Variants in PCDHA5 observed in about 807,000 individuals in gnomAD.
PCDHA5 encodes the protein protocadherin alpha-5.
Under a neutral mutation model 61.6 loss-of-function variants are expected in PCDHA5, and 43 were observed. The observed-to-expected ratio is 0.70, with a 90% CI of 0.55 to 0.90. The LOEUF is 0.90. Among genes scored for constraint, PCDHA5 ranks in the 40% least tolerant of loss-of-function variants. The pLI, the probability that PCDHA5 is intolerant of heterozygous loss-of-function variation, is 0.00. For missense variants in PCDHA5, 1,298 were observed against 1,222.7 expected (o/e 1.06, Z -0.92); for synonymous variants, 627 against 543.9 (o/e 1.15, Z -2.13).
chr5:140,946,517 G>A (rs138420578), intron 1 of PCDHA5, among the ~76,000 whole-genome samples: 8 of 151,024 alleles, frequency 5.3e-5, no homozygotes, highest in Admixed American at 1.3e-4. Flanking sequence ...AGACCTATCC[G>A]CACTCCCATG....
At chr5:141,000,900 G>T (rs1020896392) in intron 3 of PCDHA5, among the ~76,000 whole-genome samples, 4 of 151,614 alleles carry the variant, frequency 2.6e-5, no homozygotes, top group African/African-American at 9.7e-5. Context: ...AGATATAGAC[G>T]CTGTCTCTAA....
At chr5:140,944,870 A>T (rs2093703572) in intron 1 of PCDHA5, among the ~76,000 whole-genome samples, 1 of 152,058 alleles carries the variant, frequency 6.6e-6, no homozygotes, top group Non-Finnish European at 1.5e-5. Flanking sequence ...TATCTTAACC[A>T]CCTACTCCAC....
In PCDHA5 at chr5:140,822,177, A is replaced by G. The variant is rs2150114373; in HGVS notation, c.402A>G (p.Arg134=). Reference sequence around the variant, plus strand: ...ATGACAATCCGCCCAGGTTCTCCAGACAAGAACAAAGATTATTCATTTTAG... The same window carrying G: ...ATGACAATCCGCCCAGGTTCTCCAGGCAAGAACAAAGATTATTCATTTTAG... ...DINDNPPRFS[R]QEQRLFILES... The change falls in exon 1 of 4, where the codon AGA becomes AGG. Residue 134 remains arginine (R), a synonymous_variant. Transcript: ENST00000529859. The G allele has an allele frequency of 6.2e-7, 1 of 1,614,280 alleles. No individual in the cohort carries two copies. Among genetic ancestry groups the G allele is most frequent in the East Asian group, 2.2e-5 (1 of 44,892 alleles).
chr5:140,871,180 G>C (rs376198166), intron 1 of PCDHA5: 48 of 1,613,470 alleles, frequency 3.0e-5, no homozygotes, highest in Non-Finnish European at 3.9e-5. Context: ...GGCTGCGCTG[G>C]TGGATGTCAA....
Position 141,010,040 on chromosome 5 carries a change from C to G in PCDHA5, c.*103C>G. On this transcript the variant is annotated 3_prime_UTR_variant, in exon 4 of 4. Transcript: ENST00000529859. Reference sequence around the variant, plus strand: ...CCTTTTTCCTATCTACATGAGCCCTCTTAGAGACCTCAGAAATCTGCAGAA... The same window carrying G: ...CCTTTTTCCTATCTACATGAGCCCTGTTAGAGACCTCAGAAATCTGCAGAA... 5.6e-6 allele frequency: 9 copies of G among 1,593,642 alleles called. No individual in the cohort carries two copies. The highest frequency in any genetic ancestry group is 7.7e-6 in the Non-Finnish European group (9 of 1,170,750).
intron 1 of PCDHA5, chr5:140,968,681 A>G: frequency 1.9e-6 from 3 of 1,614,158 alleles, no homozygotes; most frequent in Non-Finnish European, 2.5e-6. Context: ...AGAGCTGCAC[A>G]CAGGAGAAAT....
chr5:140,928,944 A>G (rs782627710), intron 1 of PCDHA5: 1 of 1,614,070 alleles, frequency 6.2e-7, no homozygotes, highest in South Asian at 1.1e-5. Context: ...ACTTGTATTT[A>G]GTAATTGCCT....
intron 1 of PCDHA5, among the ~76,000 whole-genome samples, chr5:140,891,848 C>T (rs2063280221): frequency 6.6e-6 from 1 of 152,158 alleles, no homozygotes; most frequent in East Asian, 1.9e-4. Flanking sequence ...ATGGAAGGAG[C>T]CTGTCCCTCT....
intron 1 of PCDHA5, among the ~76,000 whole-genome samples, chr5:140,917,805 T>C (rs2153545461): frequency 6.6e-6 from 1 of 152,328 alleles, no homozygotes; most frequent in African/African-American, 2.4e-5. Flanking sequence ...AGCCTTGCAG[T>C]ATAGTTGAAG....
At chr5:140,968,229 TC>T in intron 1 of PCDHA5, 2 of 1,613,970 alleles carry the variant, frequency 1.2e-6, no homozygotes, top group Non-Finnish European at 1.7e-6. Flanking sequence ...GGTGTGTTGC[TC>T]TGTACTGTGC....
intron 1 of PCDHA5, among the ~76,000 whole-genome samples, chr5:140,943,498 A>T (rs2093507311): frequency 6.6e-6 from 1 of 152,164 alleles, no homozygotes; most frequent in Admixed American, 6.6e-5. Flanking sequence ...GATGCTATCA[A>T]GGTTCATGGA....
At chr5:140,948,868 G>A (rs191976148) in intron 1 of PCDHA5, among the ~76,000 whole-genome samples, 20 of 151,330 alleles carry the variant, frequency 1.3e-4, no homozygotes, top group African/African-American at 4.8e-4. Context: ...ATTACTTCGG[G>A]TTTACTTTGC....
intron 1 of PCDHA5, chr5:140,849,770 T>A (rs1407416435): frequency 6.3e-7 from 1 of 1,598,458 alleles, no homozygotes; most frequent in East Asian, 2.2e-5. Flanking sequence ...AGCTGGTGGT[T>A]ACCGCGCGGG....
chr5:140,922,790 C>G (rs1174493923), intron 1 of PCDHA5, among the ~76,000 whole-genome samples: 3 of 152,074 alleles, frequency 2.0e-5, no homozygotes, highest in African/African-American at 7.2e-5. Flanking sequence ...AAAACTGTAG[C>G]TTTGGAATAC....
intron 1 of PCDHA5, among the ~76,000 whole-genome samples, chr5:140,903,652 T>C (rs1304934693): frequency 6.6e-6 from 1 of 152,234 alleles, no homozygotes; most frequent in Non-Finnish European, 1.5e-5. Context: ...ATACATATAT[T>C]ATAAATTTAA....
chr5:140,961,196 A>G (rs2095596614), intron 1 of PCDHA5, among the ~76,000 whole-genome samples: 2 of 152,150 alleles, frequency 1.3e-5, no homozygotes, highest in African/African-American at 4.8e-5. Context: ...GACCCTAGTG[A>G]GGTTGGTATT....
chr5:140,966,057 G>A (rs2153745793), intron 1 of PCDHA5, among the ~76,000 whole-genome samples: 1 of 152,318 alleles, frequency 6.6e-6, no homozygotes, highest in East Asian at 1.9e-4. Flanking sequence ...TAACCCCAGA[G>A]CGCCTCCCCC....
At chr5:140,837,445 G>A (rs1228498805) in intron 1 of PCDHA5, among the ~76,000 whole-genome samples, 1 of 151,888 alleles carries the variant, frequency 6.6e-6, no homozygotes, top group Non-Finnish European at 1.5e-5. Context: ...CTAGTACGTA[G>A]TAAAAAATCT....
At chr5:140,982,984 G>A (rs558088522) in intron 3 of PCDHA5, among the ~76,000 whole-genome samples, 11 of 151,694 alleles carry the variant, frequency 7.3e-5, no homozygotes, top group Non-Finnish European at 1.5e-4. Flanking sequence ...GAAAGAAAGA[G>A]AAAAAGAAGG....
Sources: allele counts gnomAD v4.1 joint callset (sites outside exome capture counted in the v4.1 genomes callset), GRCh38; gene constraint gnomAD v4.1.1; transcripts MANE v1.5; gene names NCBI Gene and HGNC (gene_info 2026-07-23, HGNC 2026-07-21).